PREX1: variants seen among roughly 807,000 people sequenced by gnomAD.
The protein encoded by PREX1 is phosphatidylinositol 3,4,5-trisphosphate-dependent Rac exchanger 1 protein.
PREX1 carries 41 observed loss-of-function variants against 198.3 expected under a neutral mutation model. That is an observed-to-expected ratio of 0.21 (90% CI 0.16 to 0.27). The LOEUF (loss-of-function observed/expected upper bound fraction) is 0.27. PREX1 is among the 10% of genes least tolerant of loss of function. The probability of loss-of-function intolerance (pLI) is 1.00; values close to 1 mark genes in which losing one functional copy is unlikely to be tolerated. For synonymous variants in PREX1, 843 were observed against 887.2 expected (o/e 0.95, Z 0.89); for missense variants, 1,620 against 2,200.7 (o/e 0.74, Z 5.28).
intron 19 of PREX1, among the ~76,000 whole-genome samples, 153 bp downstream of exon 19, chr20:48,655,137 T>C (rs967297320): frequency 2.6e-5 from 4 of 152,184 alleles, no homozygotes; most frequent in African/African-American, 7.2e-5. Context: ...CAGGCATTTG[T>C]GTTTGCAAGT....
intron 1 of PREX1, among the ~76,000 whole-genome samples, chr20:48,797,158 A>G (rs760763081): frequency 6.6e-6 from 1 of 152,086 alleles, no homozygotes; most frequent in South Asian, 2.1e-4. Flanking sequence ...GAAATTCTCT[A>G]AATTCTATCA....
chr20:48,725,557 T>C (rs1003437457), intron 5 of PREX1, among the ~76,000 whole-genome samples: 3 of 152,240 alleles, frequency 2.0e-5, no homozygotes, highest in Non-Finnish European at 4.4e-5. Flanking sequence ...CCAACACCTA[T>C]GCCTGCCCTC....
At position 48,673,358 on chromosome 20, in the gene PREX1, G is replaced by A. The variant is rs554882567; in HGVS notation, c.1665+2835C>T. Among the ~76,000 whole-genome samples the A allele has an allele frequency of 2.1e-3, 326 of 152,254 alleles. 3 individuals are homozygous for A. The highest frequency in any genetic ancestry group is 7.5e-3 in the African/African-American group (310 of 41,534). ...AGCCATTCCCACAGCAGTGCAACCC[G>A]TCTCTTCTATCTCCAAATACCTCTC... On this transcript the variant is annotated intron_variant, in intron 14 of 39. Transcript: ENST00000371941.
the PREX1 span, among the ~76,000 whole-genome samples, chr20:48,882,023 C>T: frequency 3.9e-3 from 577 of 148,728 alleles, 3 homozygotes; most frequent in African/African-American, 0.011. Context: ...TTTTTTATGA[C>T]GAGCTTCTTC....
intron 1 of PREX1, among the ~76,000 whole-genome samples, chr20:48,824,676 G>A (rs931571907): frequency 2.6e-5 from 4 of 151,968 alleles, no homozygotes; most frequent in Non-Finnish European, 4.4e-5. Context: ...TTACAAATAA[G>A]GCTCAAACAG....
intron 1 of PREX1, among the ~76,000 whole-genome samples, chr20:48,757,845 G>A (rs6095283): frequency 0.071 from 10,828 of 152,258 alleles, 472 homozygotes; most frequent in South Asian, 0.18. Context: ...TTAAAAATAC[G>A]TGCATTGGCT....
rs117203350 is a variant in PREX1, at chr20:48,777,827, G to A, written c.220-29947C>T. Among the ~76,000 whole-genome samples, 240 of 152,310 alleles carry A rather than the reference G, an allele frequency of 1.6e-3. 4 individuals are homozygous for A. Among genetic ancestry groups the A allele is most frequent in the East Asian group, 0.014 (72 of 5,186 alleles). On this transcript the variant is annotated intron_variant, in intron 1 of 39. Transcript: ENST00000371941. ...CAATGCCAAAAACACAGCTCTGACT[G>A]GAAGTGGGGTTGCTATCATCATCAT... is the stretch of plus-strand genomic sequence containing the variant.
At chr20:48,824,708 C>A (rs2090501195) in intron 1 of PREX1, among the ~76,000 whole-genome samples, 1 of 152,148 alleles carries the variant, frequency 6.6e-6, no homozygotes. Flanking sequence ...TGCCCAAGGT[C>A]ACAAGTCCAA....
intron 14 of PREX1, among the ~76,000 whole-genome samples, chr20:48,675,562 G>C (rs2089702481): frequency 6.6e-6 from 1 of 152,200 alleles, no homozygotes; most frequent in South Asian, 2.1e-4. Context: ...GAGGTAACTA[G>C]AGTAGTCAAG....
At chr20:48,851,131 G>A in the PREX1 span, among the ~76,000 whole-genome samples, 2 of 152,192 alleles carry the variant, frequency 1.3e-5, no homozygotes, top group Non-Finnish European at 1.5e-5. Context: ...TGGAACAGTT[G>A]TGACAGACCA....
chr20:48,769,619 A>G (rs34065590), intron 1 of PREX1, among the ~76,000 whole-genome samples: 1,947 of 152,292 alleles, frequency 0.013, 24 homozygotes, highest in Non-Finnish European at 0.021. Context: ...GAAGGTGCAG[A>G]AACACATGAG....
chr20:48,755,167 G>A (rs962813026), intron 1 of PREX1, among the ~76,000 whole-genome samples: 5 of 152,160 alleles, frequency 3.3e-5, no homozygotes, highest in Admixed American at 2.6e-4. Context: ...GAAAAGGACT[G>A]TTGATGTATC....
intron 1 of PREX1, among the ~76,000 whole-genome samples, chr20:48,760,440 G>A (rs1251181142): frequency 1.3e-5 from 2 of 151,930 alleles, no homozygotes; most frequent in African/African-American, 4.8e-5. Context: ...CACCACCAGC[G>A]CACCCCTCTG....
intron 1 of PREX1, among the ~76,000 whole-genome samples, chr20:48,782,948 G>A (rs2122929961): frequency 6.6e-6 from 1 of 152,224 alleles, no homozygotes; most frequent in Non-Finnish European, 1.5e-5. Context: ...GGAGGTGACG[G>A]GGCTACAGCA....
intron 10 of PREX1, among the ~76,000 whole-genome samples, chr20:48,682,333 C>A (rs1184773525): frequency 1.3e-5 from 2 of 152,160 alleles, no homozygotes; most frequent in African/African-American, 4.8e-5. Flanking sequence ...GGTCCCCGAC[C>A]CCTATCCAAT....
chr20:48,738,731 T>C (rs2090068226), intron 3 of PREX1, among the ~76,000 whole-genome samples: 1 of 151,850 alleles, frequency 6.6e-6, no homozygotes, highest in African/African-American at 2.4e-5. Context: ...GGAGGGGAGC[T>C]CACCCCCAGG....
At chr20:48,858,533 G>A in the PREX1 span, among the ~76,000 whole-genome samples, 3 of 152,230 alleles carry the variant, frequency 2.0e-5, no homozygotes, top group Non-Finnish European at 4.4e-5. Context: ...AACTGGATAG[G>A]AAGGCAGAGA....
At chr20:48,641,358 T>C (rs2089408760) in intron 29 of PREX1, among the ~76,000 whole-genome samples, 1 of 152,220 alleles carries the variant, frequency 6.6e-6, no homozygotes, top group African/African-American at 2.4e-5. Flanking sequence ...TGGTTTATCA[T>C]CAAATTTTGG....
At chr20:48,845,933 T>G in the PREX1 span, among the ~76,000 whole-genome samples, 1 of 151,974 alleles carries the variant, frequency 6.6e-6, no homozygotes, top group Non-Finnish European at 1.5e-5. Flanking sequence ...GTGACTCAGG[T>G]TTTTAAATGG....
Sources: allele counts gnomAD v4.1 joint callset (sites outside exome capture counted in the v4.1 genomes callset), GRCh38; gene constraint gnomAD v4.1.1; transcripts MANE v1.5; gene names NCBI Gene and HGNC (gene_info 2026-07-23, HGNC 2026-07-21).